The following GSG1L variants were observed in gnomAD, a reference collection of about 807,000 sequenced individuals.
GSG1L encodes the protein germ cell-specific gene 1-like protein.
Under a neutral mutation model 42.1 loss-of-function variants are expected in GSG1L, and 24 were observed. The ratio of observed to expected loss-of-function variants is 0.57; its 90% confidence interval spans 0.41 to 0.80. The LOEUF is 0.80. Among genes scored for constraint, GSG1L ranks in the 30% least tolerant of loss-of-function variants. The probability of loss-of-function intolerance (pLI) is 0.00; values close to 1 mark genes in which losing one functional copy is unlikely to be tolerated. For missense variants in GSG1L, 445 were observed against 472.2 expected (o/e 0.94, Z 0.53); for synonymous variants, 215 against 203.5 (o/e 1.06, Z -0.48).
At chr16:27,847,385 C>T (rs1465977304) in intron 3 of GSG1L, among the ~76,000 whole-genome samples, 1 of 152,210 alleles carries the variant, frequency 6.6e-6, no homozygotes, top group Non-Finnish European at 1.5e-5. Context: ...TGGTGCTCCC[C>T]AGAACTTAGA....
At chr16:27,970,362 A>G (rs1197674644) in intron 1 of GSG1L, among the ~76,000 whole-genome samples, 1 of 152,048 alleles carries the variant, frequency 6.6e-6, no homozygotes, top group Non-Finnish European at 1.5e-5. Flanking sequence ...ACTTAAGGTC[A>G]GGAGTTCAAG....
chr16:27,959,605 A>G (rs1042571634), intron 2 of GSG1L, among the ~76,000 whole-genome samples: 8 of 151,868 alleles, frequency 5.3e-5, no homozygotes, highest in African/African-American at 1.9e-4. Context: ...AAAGGAAGAA[A>G]GAAAGAAAAA....
intron 4 of GSG1L, among the ~76,000 whole-genome samples, chr16:27,844,491 T>A (rs929220878): frequency 1.3e-5 from 2 of 151,882 alleles, no homozygotes; most frequent in African/African-American, 4.8e-5. Context: ...GGTCAGAGAG[T>A]ATTTTTGACT....
At chr16:27,845,851 T>C (rs1350222299) in intron 3 of GSG1L, among the ~76,000 whole-genome samples, 1 of 152,198 alleles carries the variant, frequency 6.6e-6, no homozygotes, top group Non-Finnish European at 1.5e-5. Context: ...CTTTGTGTAT[T>C]CTGAATATTA....
intron 4 of GSG1L, among the ~76,000 whole-genome samples, chr16:27,838,833 G>A (rs2083348274): frequency 6.6e-6 from 1 of 152,156 alleles, no homozygotes. Context: ...TCCCTCCATG[G>A]CCCACAGGGC....
intron 5 of GSG1L, among the ~76,000 whole-genome samples, chr16:27,826,800 C>A (rs960547654): frequency 5.3e-5 from 8 of 152,206 alleles, no homozygotes; most frequent in African/African-American, 1.9e-4. Context: ...CAAAGAGGGT[C>A]CTCAAGGCTG....
intron 3 of GSG1L, among the ~76,000 whole-genome samples, chr16:27,875,977 C>G (rs1244451628): frequency 6.6e-6 from 1 of 152,136 alleles, no homozygotes; most frequent in Non-Finnish European, 1.5e-5. Flanking sequence ...TGAAGCCCAC[C>G]CCCTCCACTT....
chr16:27,938,979 A>G (rs1016560828), intron 2 of GSG1L, among the ~76,000 whole-genome samples: 1 of 152,196 alleles, frequency 6.6e-6, no homozygotes, highest in African/African-American at 2.4e-5. Context: ...GTGAGGATGG[A>G]TGGATGCTTC....
At chr16:28,045,021 G>C (rs1007190804) in intron 1 of GSG1L, among the ~76,000 whole-genome samples, 24 of 152,168 alleles carry the variant, frequency 1.6e-4, no homozygotes, top group African/African-American at 5.6e-4. Flanking sequence ...CAAAACCATA[G>C]AGACAGTAAA....
At chr16:27,852,713 A>G (rs2083529296) in intron 3 of GSG1L, among the ~76,000 whole-genome samples, 1 of 151,982 alleles carries the variant, frequency 6.6e-6, no homozygotes, top group Admixed American at 6.6e-5. Flanking sequence ...GGCAGTTTGG[A>G]CTTTATCCTG....
intron 2 of GSG1L, among the ~76,000 whole-genome samples, chr16:27,896,969 T>C (rs2084199417): frequency 6.6e-6 from 1 of 152,206 alleles, no homozygotes; most frequent in African/African-American, 2.4e-5. Flanking sequence ...GCTGAAGCGA[T>C]TCTCCTGCCT....
At chr16:28,047,102 A>C (rs2086170413) in intron 1 of GSG1L, among the ~76,000 whole-genome samples, 1 of 152,150 alleles carries the variant, frequency 6.6e-6, no homozygotes, top group African/African-American at 2.4e-5. Flanking sequence ...GCCAACCAGC[A>C]CCCATATGAA....
chr16:27,854,003 A>T (rs1039088989), intron 3 of GSG1L, among the ~76,000 whole-genome samples: 12 of 152,244 alleles, frequency 7.9e-5, no homozygotes, highest in African/African-American at 2.6e-4. Flanking sequence ...CAGCTGTCCC[A>T]GAAGACTGAG....
chr16:27,969,735 G>T (rs944657314), intron 1 of GSG1L, among the ~76,000 whole-genome samples: 4 of 152,164 alleles, frequency 2.6e-5, no homozygotes, highest in East Asian at 3.8e-4. Flanking sequence ...GAATAGAATT[G>T]CTGAGTCATA....
At position 27,874,253 on chromosome 16, in the gene GSG1L, G is replaced by C. The variant is rs138601677; in HGVS notation, c.550+10233C>G. Among the ~76,000 whole-genome samples the C allele has an allele frequency of 3.3e-4, 50 of 152,134 alleles. No homozygotes were observed. The East Asian group carries it at 9.7e-3, about 29-fold the overall frequency. On this transcript the variant is annotated intron_variant, in intron 3 of 6. Transcript: ENST00000447459. The stretch of plus-strand genomic sequence containing the variant: ...GAGATGATGACTCAAAATGGGGGCT[G>C]CGGGAGGGTCACTAAAAAGATCAGC...
chr16:27,806,052 T>C (rs755337084), intron 6 of GSG1L, among the ~76,000 whole-genome samples: 2 of 152,042 alleles, frequency 1.3e-5, no homozygotes, highest in Non-Finnish European at 2.9e-5. Flanking sequence ...CCTCTATCCC[T>C]GCTGTGTGCT....
intron 5 of GSG1L, among the ~76,000 whole-genome samples, chr16:27,817,522 GC>G (rs2083109528): frequency 6.6e-6 from 1 of 151,752 alleles, no homozygotes; most frequent in African/African-American, 2.4e-5. Flanking sequence ...ACGGGGTCTT[GC>G]CCTATTGCCC....
At chr16:27,995,355 G>C (rs1359624102) in intron 1 of GSG1L, among the ~76,000 whole-genome samples, 1 of 152,170 alleles carries the variant, frequency 6.6e-6, no homozygotes, top group South Asian at 2.1e-4. Context: ...CCCAAGAATG[G>C]AGAAATCATA....
At chr16:27,899,587 T>C (rs1270101382) in intron 2 of GSG1L, among the ~76,000 whole-genome samples, 1 of 152,098 alleles carries the variant, frequency 6.6e-6, no homozygotes, top group African/African-American at 2.4e-5. Flanking sequence ...TGTGGTGGCG[T>C]GCACCTGTGG....
Sources: gnomAD v4.1 joint callset for allele counts (sites outside exome capture counted in the v4.1 genomes callset) on GRCh38, gnomAD v4.1.1 for gene constraint, MANE v1.5 for transcripts, NCBI Gene and HGNC (gene_info 2026-07-23, HGNC 2026-07-21) for gene names.